The following NMU variants were observed in gnomAD, a reference collection of about 807,000 sequenced individuals.
The protein encoded by NMU is neuromedin-U.
A neutral mutation model predicts 35.4 loss-of-function variants in NMU; 29 were observed. That is an observed-to-expected ratio of 0.82 (90% confidence interval 0.61 to 1.12). NMU has a LOEUF of 1.12. Among genes scored for constraint, NMU ranks in the 50% most tolerant of loss-of-function variants. NMU has a pLI of 0.00. For missense variants in NMU, 199 were observed against 206.2 expected, an observed-to-expected ratio of 0.97 and a Z score of 0.21; for synonymous variants, 78 against 81.3, an observed-to-expected ratio of 0.96 and a Z score of 0.22.
In NMU at chr4:55,605,307, G is replaced by A; in HGVS notation, c.403C>T (p.His135Tyr). ...HPLLQLVPHL[H>Y]ERRMKRFRVD... ...CTGAATCTCTTCATTCTTCTCTCATGCAGGTGAGGAACGAGCTGCAGCAAC... is the reference window on the plus strand; with the variant it reads ...CTGAATCTCTTCATTCTTCTCTCATACAGGTGAGGAACGAGCTGCAGCAAC... The change falls in exon 7 of 10, where the codon CAT (histidine) becomes TAT (tyrosine). Residue 135 changes from histidine (H) to tyrosine (Y), a missense_variant. By Grantham distance (83) the His-to-Tyr change is moderately conservative. Transcript: ENST00000264218. The A allele has an allele frequency of 6.2e-7, 1 of 1,613,646 alleles. No individual in the cohort carries two copies. Among genetic ancestry groups the A allele is most frequent in the Non-Finnish European group, 8.5e-7 (1 of 1,179,528 alleles).
At position 55,597,068 on chromosome 4, in the gene NMU, G is replaced by A. The variant is rs73148758; in HGVS notation, c.*5-1657C>T. Among the ~76,000 whole-genome samples the A allele has an allele frequency of 5.4e-3, 824 of 152,134 alleles. 11 individuals carry two copies. Among genetic ancestry groups the A allele is most frequent in the African/African-American group, 0.019 (783 of 41,518 alleles). The stretch of plus-strand genomic sequence containing the variant: ...TTGAACAACCATCCTTGAGTTGCTG[G>A]AACAAATCTTAGTGGGGTCATAAAA... On this transcript the variant is annotated intron_variant, in intron 9 of 9. Transcript: ENST00000264218.
chr4:55,611,788 G>A lies in NMU; in HGVS notation c.220-2609C>T, dbSNP rs73148767. Reference sequence around the variant, plus strand: ...TGTACATCTAGATTTGTGTAAGTACGCTCTATGATGTTTATACAATGACAA... The same window carrying A: ...TGTACATCTAGATTTGTGTAAGTACACTCTATGATGTTTATACAATGACAA... On this transcript the variant is annotated intron_variant, in intron 3 of 9. Coordinates refer to ENST00000264218, the MANE Select transcript of NMU (RefSeq NM_006681.4). Among the ~76,000 whole-genome samples, 840 of 152,240 alleles carry A rather than the reference G, an allele frequency of 5.5e-3. 12 individuals carry two copies. Among genetic ancestry groups the A allele is most frequent in the African/African-American group, 0.019 (798 of 41,550 alleles).
chr4:55,604,679 A>ATTGTTTTTTTTTTTTTTTTTT (rs1733604126), intron 7 of NMU, among the ~76,000 whole-genome samples: 1 of 47,610 alleles, frequency 2.1e-5, no homozygotes, highest in African/African-American at 1.2e-4. Flanking sequence ...TGCCTGGCTA[A>ATTGTTTTTTTTTTTTTTTTTT]TTTTTTTTTT....
intron 2 of NMU, among the ~76,000 whole-genome samples, chr4:55,618,837 T>TTCTCTCTCTTTCTTTCTTC (rs1560522393): frequency 8.6e-5 from 13 of 151,128 alleles, no homozygotes; most frequent in Non-Finnish European, 1.5e-4. Context: ...CTTCTTTCTT[T>TTCTCTCTCTTTCTTTCTTC]TCTCTCTCTT....
At chr4:55,607,232 T>C in intron 6 of NMU, 66 bp downstream of exon 6, 1 of 1,192,558 alleles carries the variant, frequency 8.4e-7, no homozygotes, top group East Asian at 2.3e-5. Flanking sequence ...TCTATTATGC[T>C]GCAAAAACAG....
intron 8 of NMU, 146 bp from the exon 9 acceptor site, chr4:55,599,327 T>C (rs1733332456): frequency 3.1e-6 from 2 of 651,736 alleles, no homozygotes; most frequent in South Asian, 1.8e-5. Flanking sequence ...CTGGACCCCA[T>C]AGCCAGAATT....
At chr4:55,624,979 G>A (rs1577959323) in intron 2 of NMU, among the ~76,000 whole-genome samples, 1 of 80,548 alleles carries the variant, frequency 1.2e-5, no homozygotes, top group South Asian at 6.4e-4. Flanking sequence ...GAGATCACAT[G>A]GACACAGGAA....
At chr4:55,608,174 C>CAA (rs3035745) in intron 4 of NMU, among the ~76,000 whole-genome samples, 88,908 of 110,214 alleles carry the variant, frequency 0.81, 36,921 homozygotes, top group East Asian at 0.9. Context: ...GACTCCATCT[C>CAA]AAAAAAAAAA....
chr4:55,629,105 A>G (rs1734658512), intron 2 of NMU, among the ~76,000 whole-genome samples: 1 of 152,138 alleles, frequency 6.6e-6, no homozygotes, highest in South Asian at 2.1e-4. Context: ...TTTGTTATTA[A>G]TTTCTAATTT....
At position 55,607,477 on chromosome 4, in the gene NMU, G is replaced by A. The variant is rs1357158066; in HGVS notation, c.280-11C>T. The A allele has an allele frequency of 4.4e-6, 4 of 909,924 alleles. No individual in the cohort carries two copies. The highest frequency in any genetic ancestry group is 3.3e-4 in the Middle Eastern group (1 of 3,056). The allele number at this position is 909,924 out of a possible 1,614,324, so 56.4% of individuals were successfully genotyped here. A position where few individuals can be genotyped will look rare whatever the true frequency, so the allele number is the denominator to read the frequency against. On this transcript the variant is annotated splice_polypyrimidine_tract_variant and intron_variant, in intron 4 of 9. Transcript: ENST00000264218. The stretch of plus-strand genomic sequence containing the variant: ...TTTTTCATCTTGTTCCTATTGAAAA[G>A]AGATATTGTATATATCATTATATAT...
chr4:55,609,296 C>T (rs1292783375), intron 3 of NMU, 117 bp from the exon 4 acceptor site: 2 of 771,214 alleles, frequency 2.6e-6, no homozygotes, highest in Admixed American at 2.1e-5. Context: ...GAAAAGAATC[C>T]TTCTGTAGAT....
chr4:55,633,031 G>T (rs7677868), intron 1 of NMU, among the ~76,000 whole-genome samples: 1 of 64,816 alleles, frequency 1.5e-5, no homozygotes, highest in Non-Finnish European at 3.4e-5. Flanking sequence ...TATAGAAAAC[G>T]ACTAATATCC....
intron 3 of NMU, among the ~76,000 whole-genome samples, chr4:55,609,580 G>A (rs1050178970): frequency 6.6e-6 from 1 of 152,116 alleles, no homozygotes; most frequent in African/African-American, 2.4e-5. Flanking sequence ...TGTGAGCCTC[G>A]CTGAATATTA....
At chr4:55,632,646 A>G (rs1018183911) in intron 1 of NMU, among the ~76,000 whole-genome samples, 1 of 152,156 alleles carries the variant, frequency 6.6e-6, no homozygotes, top group African/African-American at 2.4e-5. Context: ...TGCTTCTCAA[A>G]TTTCCATATA....
At chr4:55,611,910 T>A (rs1341838095) in intron 3 of NMU, among the ~76,000 whole-genome samples, 1 of 152,240 alleles carries the variant, frequency 6.6e-6, no homozygotes, top group East Asian at 1.9e-4. Flanking sequence ...GGACATGAAT[T>A]GTTATTCTCA....
chr4:55,599,177 C>T lies in NMU; in HGVS notation c.494G>A (p.Arg165Gln), dbSNP rs747787645. The T allele has an allele frequency of 2.7e-5, 44 of 1,605,360 alleles. No homozygotes were observed. The highest frequency in any genetic ancestry group is 1.7e-4 in the Middle Eastern group (1 of 6,050). The change falls in exon 9 of 10, where the codon CGG (arginine) becomes CAG (glutamine). Residue 165 changes from arginine to glutamine, a missense_variant. By Grantham distance (43) the Arg-to-Gln change is conservative. Transcript: ENST00000264218. ...GAACCCTGCTGACCTTCTTCCATTC[C>T]GTGGCTGAAAAATAATAGATTAGAA... ...QSRGYFLFRP[R>Q]NGRRSAGFI
At chr4:55,625,276 T>A (rs1358453169) in intron 2 of NMU, among the ~76,000 whole-genome samples, 1 of 151,310 alleles carries the variant, frequency 6.6e-6, no homozygotes, top group African/African-American at 2.4e-5. Context: ...AATGTATACT[T>A]TTTTTTTGCA....
chr4:55,629,892 A>G (rs944446328), intron 2 of NMU, among the ~76,000 whole-genome samples: 9 of 152,004 alleles, frequency 5.9e-5, no homozygotes, highest in African/African-American at 2.2e-4. Flanking sequence ...TATATTAATG[A>G]TGTCTATATT....
chr4:55,617,830 G>T (rs1239560039), intron 2 of NMU, among the ~76,000 whole-genome samples: 1 of 152,120 alleles, frequency 6.6e-6, no homozygotes, highest in African/African-American at 2.4e-5. Context: ...CACAGACCAG[G>T]CTGCCCATCT....
Sources: gnomAD v4.1 joint callset for allele counts (sites outside exome capture counted in the v4.1 genomes callset) on GRCh38, gnomAD v4.1.1 for gene constraint, MANE v1.5 for transcripts, NCBI Gene and HGNC (gene_info 2026-07-23, HGNC 2026-07-21) for gene names.